The following ESR1 variants were observed in gnomAD, a reference collection of about 807,000 sequenced individuals.
The protein encoded by ESR1 is estrogen receptor 1.
A neutral mutation model predicts 52.7 loss-of-function variants in ESR1; 12 were observed. That is an observed-to-expected ratio of 0.23 (90% confidence interval 0.15 to 0.37). ESR1 has a LOEUF of 0.37. Ranked by LOEUF, ESR1 falls within the 10% of genes least tolerant of loss-of-function variation. ESR1 has a pLI of 1.00. For missense variants in ESR1, 584 were observed against 779.7 expected (o/e 0.75, Z 2.99); for synonymous variants, 305 against 316.8 (o/e 0.96, Z 0.39).
intron 3 of ESR1, among the ~76,000 whole-genome samples, chr6:151,926,721 T>C (rs1024918481): frequency 3.9e-5 from 6 of 152,282 alleles, no homozygotes; most frequent in African/African-American, 1.4e-4. Context: ...TCATTACTTA[T>C]TAGTTCCAGG....
At chr6:151,708,057 T>C (rs909533038) in intron 2 of ESR1, among the ~76,000 whole-genome samples, 6 of 152,168 alleles carry the variant, frequency 3.9e-5, no homozygotes, top group Non-Finnish European at 8.8e-5. Flanking sequence ...TACAGGTTGA[T>C]GTGTATCCTC....
rs1234080078 is a variant in ESR1 at position 152,094,003 on chromosome 6, G to A, written c.1370-382G>A. Among the ~76,000 whole-genome samples the A allele has an allele frequency of 6.6e-6, 1 of 152,158 alleles. No individual in the cohort carries two copies. The highest frequency in any genetic ancestry group is 1.5e-5 in the Non-Finnish European group (1 of 68,026). ...TTTCTCTGCCTTTTTGTTTCTTGAT[G>A]TGAAAAGGAACAACAGTGGCTGCTC... On this transcript the variant is annotated intron_variant, in intron 6 of 7. Transcript: ENST00000206249. The surrounding 1 kb of genome is among the most constrained non-coding windows in gnomAD (Gnocchi z 4.6).
At chr6:151,686,604 C>T (rs796797771), upstream of ESR1, among the ~76,000 whole-genome samples, 40 of 152,286 alleles carry the variant, frequency 2.6e-4, no homozygotes, top group African/African-American at 3.4e-4. Context: ...AGGAGAATGG[C>T]GTGAACCCGA....
intron 3 of ESR1, among the ~76,000 whole-genome samples, chr6:151,912,680 G>C (rs1309792637): frequency 6.6e-6 from 1 of 152,172 alleles, no homozygotes; most frequent in African/African-American, 2.4e-5. Context: ...GGAACAATAA[G>C]AGCGGGAGAA....
chr6:152,116,280 C>T (rs958608713), intron 6 of ESR1, among the ~76,000 whole-genome samples: 1 of 152,158 alleles, frequency 6.6e-6, no homozygotes, highest in Non-Finnish European at 1.5e-5. Flanking sequence ...TGCATATACA[C>T]GCAAGAGTGT....
At chr6:151,906,521 A>G (rs972202798) in intron 3 of ESR1, among the ~76,000 whole-genome samples, 13 of 151,760 alleles carry the variant, frequency 8.6e-5, no homozygotes, top group Non-Finnish European at 1.8e-4. Flanking sequence ...GGTTTAGAAA[A>G]ATGATCCCTT....
At chr6:151,887,128 CT>C (rs1271375364) in intron 3 of ESR1, among the ~76,000 whole-genome samples, 1 of 151,234 alleles carries the variant, frequency 6.6e-6, no homozygotes, top group East Asian at 1.9e-4. Flanking sequence ...ATGTGAATTA[CT>C]TTTTTTGGAT....
chr6:152,121,927 A>G (rs2051478659), intron 6 of ESR1: 1 of 160,822 alleles, frequency 6.2e-6, no homozygotes, highest in African/African-American at 2.4e-5. Context: ...CCCCAAAGGA[A>G]AACAAGGTAA....
At chr6:151,906,009 C>T (rs1797389780) in intron 3 of ESR1, among the ~76,000 whole-genome samples, 1 of 152,104 alleles carries the variant, frequency 6.6e-6, no homozygotes, top group South Asian at 2.1e-4. Flanking sequence ...AAGGTCATCT[C>T]CAAGGTCTGA....
At chr6:151,921,509 C>T (rs1163377147) in intron 3 of ESR1, among the ~76,000 whole-genome samples, 1 of 152,110 alleles carries the variant, frequency 6.6e-6, no homozygotes, top group Admixed American at 6.6e-5. Context: ...GGAATTGCTA[C>T]ACCATCTTCC....
chr6:151,726,839 C>G (rs1328373766), intron 2 of ESR1, among the ~76,000 whole-genome samples: 2 of 152,040 alleles, frequency 1.3e-5, no homozygotes, highest in Admixed American at 1.3e-4. Context: ...TTCCTAGCTC[C>G]GTAACTTTAT....
At chr6:151,863,749 T>C (rs1789320644) in intron 2 of ESR1, among the ~76,000 whole-genome samples, 1 of 152,006 alleles carries the variant, frequency 6.6e-6, no homozygotes. Flanking sequence ...CCCTCAGAAA[T>C]AATACCACAC....
intron 2 of ESR1, among the ~76,000 whole-genome samples, chr6:151,867,410 A>G (rs1007436339): frequency 8.0e-6 from 1 of 124,334 alleles, no homozygotes; most frequent in African/African-American, 3.7e-5. Context: ...AACTTCAACA[A>G]ATTTACACAC....
chr6:151,801,788 CA>C (rs1291825564), upstream of ESR1, among the ~76,000 whole-genome samples: 1 of 152,214 alleles, frequency 6.6e-6, no homozygotes, highest in African/African-American at 2.4e-5. Flanking sequence ...GGTCCCATTG[CA>C]GCAAGAAGAG....
At chr6:152,064,119 GTTGT>G (rs2047774437) in intron 6 of ESR1, among the ~76,000 whole-genome samples, 1 of 152,192 alleles carries the variant, frequency 6.6e-6, no homozygotes, top group African/African-American at 2.4e-5. Context: ...TAGGACACAC[GTTGT>G]TTGTTTTTCC....
chr6:151,772,982 A>C (rs1785638609), intron 2 of ESR1, among the ~76,000 whole-genome samples: 1 of 152,146 alleles, frequency 6.6e-6, no homozygotes, highest in South Asian at 2.1e-4. Context: ...TATAAGTTGA[A>C]TTGTGTCCCC....
intron 5 of ESR1, 63 bp from the exon 6 acceptor site, chr6:152,060,928 G>C (rs993346483): frequency 7.3e-7 from 1 of 1,365,538 alleles, no homozygotes; most frequent in Non-Finnish European, 1.0e-6. Flanking sequence ...TTCATGTCTT[G>C]TGGAAGATTT....
intron 3 of ESR1, among the ~76,000 whole-genome samples, chr6:151,933,082 A>G (rs1001709627): frequency 1.1e-3 from 166 of 151,886 alleles, no homozygotes; most frequent in Non-Finnish European, 1.7e-3. Context: ...CTTCCTACCC[A>G]TGAGCATGGA....
At chr6:152,078,760 C>A (rs779759889) in intron 6 of ESR1, among the ~76,000 whole-genome samples, 2 of 152,216 alleles carry the variant, frequency 1.3e-5, no homozygotes, top group African/African-American at 2.4e-5. Context: ...AAACAGTACA[C>A]TCCTGACAAA....
Sources: allele counts gnomAD v4.1 joint callset (sites outside exome capture counted in the v4.1 genomes callset), GRCh38; gene constraint gnomAD v4.1.1; non-coding constraint Gnocchi (gnomAD v3.1); transcripts MANE v1.5; gene names NCBI Gene and HGNC (gene_info 2026-07-23, HGNC 2026-07-21).